The following WNK2 variants were observed in gnomAD, a reference collection of about 807,000 sequenced individuals.
WNK2 encodes serine/threonine-protein kinase WNK2.
A neutral mutation model predicts 192.1 loss-of-function variants in WNK2; 67 were observed. The ratio of observed to expected loss-of-function variants is 0.35; its 90% confidence interval spans 0.29 to 0.43. WNK2 has a LOEUF of 0.43. WNK2 is among the 20% of genes least tolerant of loss of function. The probability of loss-of-function intolerance (pLI) is 1.00; values close to 1 mark genes in which losing one functional copy is unlikely to be tolerated. For missense variants in WNK2, 2,698 were observed against 3,089.7 expected, an observed-to-expected ratio of 0.87 and a Z score of 3.01; for synonymous variants, 1,439 against 1,393.9, an observed-to-expected ratio of 1.03 and a Z score of -0.72.
chr9:93,292,946 C>G lies in WNK2; in HGVS notation c.5481C>G (p.Pro1827=). Residue 1827 remains proline, a synonymous_variant, in exon 23 of 30, where the codon CCC becomes CCG. Transcript: ENST00000427277. Reference sequence around the variant, plus strand: ...CGGTGCAGAAGCAGGCGTCCCTGCCCGTGAGTGGCAGCGTGGCTGGCGACT... The same window carrying G: ...CGGTGCAGAAGCAGGCGTCCCTGCCGGTGAGTGGCAGCGTGGCTGGCGACT... ...RPPVQKQASL[P]VSGSVAGDFV... 1 of 1,533,716 alleles carries G rather than the reference C, an allele frequency of 6.5e-7. No individual in the cohort carries two copies. The highest frequency in any genetic ancestry group is 8.8e-7 in the Non-Finnish European group (1 of 1,141,092).
chr9:93,270,750 G>A (rs765046775), intron 19 of WNK2, among the ~76,000 whole-genome samples: 4 of 152,232 alleles, frequency 2.6e-5, no homozygotes, highest in African/African-American at 4.8e-5. Flanking sequence ...GCACCAGCAC[G>A]CCGACAGTTC....
chr9:93,262,793 C>A, intron 14 of WNK2, 74 bp downstream of exon 14: 1 of 1,521,870 alleles, frequency 6.6e-7, no homozygotes, highest in Non-Finnish European at 9.0e-7. Context: ...AGCCTGGCTC[C>A]TGCTGCTGCT....
At chr9:93,242,395 C>T (rs1373918026) in intron 7 of WNK2, among the ~76,000 whole-genome samples, 1 of 152,182 alleles carries the variant, frequency 6.6e-6, no homozygotes, top group East Asian at 1.9e-4. Flanking sequence ...GAGGATCTTT[C>T]CTTGCTCTCC....
chr9:93,279,631 A>C (rs1193370083), intron 19 of WNK2, among the ~76,000 whole-genome samples: 1 of 152,248 alleles, frequency 6.6e-6, no homozygotes, highest in Non-Finnish European at 1.5e-5. Context: ...ACTAAATCAG[A>C]GAACTAACAA....
intron 16 of WNK2, among the ~76,000 whole-genome samples, chr9:93,266,568 CAGCT>C (rs1387902439): frequency 1.3e-5 from 2 of 152,236 alleles, no homozygotes; most frequent in Non-Finnish European, 2.9e-5. Context: ...ACTCCAGTCA[CAGCT>C]GGCTGGATGT....
rs115607546 is a variant in WNK2, at chr9:93,269,038, C to T, written c.4033+292C>T. 864 of 1,208,228 alleles carry T rather than the reference C, an allele frequency of 7.2e-4. 8 individuals are homozygous for T. In the African/African-American group the frequency reaches 0.011, roughly 16 times the overall value. 74.8% of individuals were successfully genotyped at this position (1,208,228 alleles called of 1,614,324 possible). A position where few individuals can be genotyped will look rare whatever the true frequency, so the allele number is the denominator to read the frequency against. ...GAAGAGCTCCGCTGTCCTTCCTTCA[C>T]AGTGTTAACCTGGCAACTCCTTGCT... On this transcript the variant is annotated intron_variant, in intron 19 of 29. Coordinates refer to ENST00000427277, the MANE Select transcript of WNK2 (RefSeq NM_006648.4).
chr9:93,190,696 G>C (rs1296571140), intron 2 of WNK2, among the ~76,000 whole-genome samples: 1 of 152,264 alleles, frequency 6.6e-6, no homozygotes, highest in Admixed American at 6.5e-5. Context: ...TGTGTCCACA[G>C]GCCCTGCGGA....
chr9:93,215,797 C>A (rs1363181064), intron 2 of WNK2, among the ~76,000 whole-genome samples: 4 of 152,096 alleles, frequency 2.6e-5, no homozygotes, highest in Non-Finnish European at 5.9e-5. Context: ...ATATTTGGAT[C>A]CCCTGGGAAT....
chr9:93,186,590 G>A lies in WNK2; in HGVS notation c.681+980G>A, dbSNP rs576493475. Among the ~76,000 whole-genome samples the A allele has an allele frequency of 8.5e-5, 13 of 152,304 alleles. No individual in the cohort carries two copies. The South Asian group carries it at 2.7e-3, about 32-fold the overall frequency. Reference sequence around the variant, plus strand: ...TGGCTGTCCAGTCCAGGCCTGAAACGGGGCTGGGGCTAGCTGGGGCAAGCT... The same window carrying A: ...TGGCTGTCCAGTCCAGGCCTGAAACAGGGCTGGGGCTAGCTGGGGCAAGCT... On this transcript the variant is annotated intron_variant, in intron 2 of 29. Coordinates refer to ENST00000427277, the MANE Select transcript of WNK2 (RefSeq NM_006648.4).
Position 93,259,077 on chromosome 9 carries a change from C to A in WNK2, c.2529C>A (p.Leu843=). ...YFSPAVILPS[L]AAPLPPASPA... is the part of the protein sequence containing the mutation. The stretch of plus-strand genomic sequence containing the variant: ...CTCCAGCCGTGATCTTGCCGAGCCT[C>A]GCTGCCCCACTCCCCCCTGCGTCCC... The change falls in exon 12 of 30, where the codon CTC becomes CTA. Residue 843 remains leucine, a synonymous_variant. Transcript: ENST00000427277. The surrounding 1 kb of genome is among the most constrained non-coding windows in gnomAD (Gnocchi z 4.8). 1 of 1,613,238 alleles carries A rather than the reference C, an allele frequency of 6.2e-7. No homozygotes were observed. Among genetic ancestry groups the A allele is most frequent in the Non-Finnish European group, 8.5e-7 (1 of 1,179,786 alleles).
In WNK2 at chr9:93,263,897, G is replaced by A; in HGVS notation, c.3580-20G>A. 1.9e-6 allele frequency: 3 copies of A among 1,598,866 alleles called. No homozygotes were observed. The highest frequency in any genetic ancestry group is 2.2e-5 in the South Asian group (2 of 89,112). On this transcript the variant is annotated intron_variant, in intron 15 of 29. Coordinates refer to ENST00000427277, the MANE Select transcript of WNK2 (RefSeq NM_006648.4). ...ACGTGTGGGTACGCCCGTGGTGGGT[G>A]CTGATGCTGCCCCTTCCAGGTGTGC...
intron 19 of WNK2, among the ~76,000 whole-genome samples, chr9:93,281,286 T>C (rs1847695998): frequency 6.6e-6 from 1 of 152,158 alleles, no homozygotes; most frequent in Admixed American, 6.6e-5. Context: ...ATGGTGGAGT[T>C]ATCAGACTGA....
At chr9:93,258,525 G>A (rs1843671109) in intron 11 of WNK2, among the ~76,000 whole-genome samples, 2 of 152,118 alleles carry the variant, frequency 1.3e-5, no homozygotes, top group South Asian at 4.1e-4. Flanking sequence ...AAATGCTCCA[G>A]GGCTCTGAAG....
At chr9:93,314,036 T>C (rs7044229) in intron 28 of WNK2, among the ~76,000 whole-genome samples, 140,282 of 151,606 alleles carry the variant, frequency 0.93, 65,324 homozygotes, top group East Asian at 1. Flanking sequence ...TTTGGGAGGC[T>C]GAGGCGGGTG....
At chr9:93,218,436 GCCGGGCTCCCAGTTA>G (rs1305404151) in intron 2 of WNK2, among the ~76,000 whole-genome samples, 1 of 152,150 alleles carries the variant, frequency 6.6e-6, no homozygotes, top group Non-Finnish European at 1.5e-5. Flanking sequence ...GCCTGTGCCC[GCCGGGCTCCCAGTTA>G]CCTTGGGTGA....
At chr9:93,190,292 TGACA>T (rs1298763661) in intron 2 of WNK2, among the ~76,000 whole-genome samples, 2 of 152,260 alleles carry the variant, frequency 1.3e-5, no homozygotes, top group South Asian at 2.1e-4. Flanking sequence ...TCAGCAGCGA[TGACA>T]GACAGCAGCC....
chr9:93,277,387 G>A (rs1847089325), intron 19 of WNK2, among the ~76,000 whole-genome samples: 1 of 152,086 alleles, frequency 6.6e-6, no homozygotes, highest in Admixed American at 6.6e-5. Context: ...GAAAACTTAT[G>A]TTCACTTAAA....
intron 26 of WNK2, among the ~76,000 whole-genome samples, chr9:93,300,561 G>T (rs1422886056): frequency 6.6e-6 from 1 of 151,884 alleles, no homozygotes. Context: ...GCTGTCCCCA[G>T]TTCCAGCGAC....
Position 93,308,360 on chromosome 9 carries a change from G to A in WNK2, c.6292G>A (p.Glu2098Lys). The A allele has an allele frequency of 1.3e-6, 2 of 1,557,042 alleles. No homozygotes were observed. The highest frequency in any genetic ancestry group is 1.7e-6 in the Non-Finnish European group (2 of 1,150,602). The change falls in exon 28 of 30, where the codon GAG (glutamate) becomes AAG (lysine). Residue 2098 changes from glutamate to lysine, a missense_variant. By Grantham distance (56) the Glu-to-Lys change is moderately conservative (BLOSUM62 1). Transcript: ENST00000427277. ...CACCAGCAGCCTGGCCCCAGGCCCTGAGCCAGGCCCCCAGCCCGCCCTGCA... is the reference window on the plus strand; with the variant it reads ...CACCAGCAGCCTGGCCCCAGGCCCTAAGCCAGGCCCCCAGCCCGCCCTGCA... ...SSTSSLAPGP[E>K]PGPQPALHVQ...
Sources: gnomAD v4.1 joint callset for allele counts (sites outside exome capture counted in the v4.1 genomes callset) on GRCh38, gnomAD v4.1.1 for gene constraint, Gnocchi (gnomAD v3.1) non-coding constraint, MANE v1.5 for transcripts, NCBI Gene and HGNC (gene_info 2026-07-23, HGNC 2026-07-21) for gene names.